Variants in ANKMY1 observed in about 807,000 individuals in gnomAD.
ANKMY1 encodes the protein ankyrin repeat and MYND domain containing 1.
Under a neutral mutation model 102.0 loss-of-function variants are expected in ANKMY1, and 98 were observed. The ratio of observed to expected loss-of-function variants is 0.96; its 90% CI spans 0.82 to 1.14. The LOEUF is 1.14. Among genes scored for constraint, ANKMY1 ranks in the 50% most tolerant of loss-of-function variants. The pLI, the probability that ANKMY1 is intolerant of heterozygous loss-of-function variation, is 0.00. For synonymous variants in ANKMY1, 582 were observed against 559.9 expected, an observed-to-expected ratio of 1.04 and a Z score of -0.56; for missense variants, 1,330 against 1,347.6, an observed-to-expected ratio of 0.99 and a Z score of 0.20.
intron 15 of ANKMY1, among the ~76,000 whole-genome samples, chr2:240,490,596 T>C (rs1316686337): frequency 6.6e-6 from 1 of 152,232 alleles, no homozygotes; most frequent in Non-Finnish European, 1.5e-5. Context: ...ATTTGTATAG[T>C]ATACATATTT....
At chr2:240,485,610 G>C (rs1244868375) in intron 15 of ANKMY1, among the ~76,000 whole-genome samples, 1 of 149,148 alleles carries the variant, frequency 6.7e-6, no homozygotes. Flanking sequence ...TTCTTTTTGA[G>C]ACAGGTTCTC....
intron 5 of ANKMY1, among the ~76,000 whole-genome samples, chr2:240,528,685 C>T (rs2084479315): frequency 6.7e-6 from 1 of 150,340 alleles, no homozygotes; most frequent in Non-Finnish European, 1.5e-5. Context: ...TTCTCCCCAG[C>T]CACATCCCCC....
chr2:240,523,973 G>A lies in ANKMY1; in HGVS notation c.1744C>T (p.His582Tyr). Residue 582 changes from histidine to tyrosine, a missense_variant, in exon 8 of 18, where the codon CAC becomes TAC. His to Tyr is a moderately conservative substitution (Grantham distance 83). Transcript: ENST00000401804. Reference protein sequence around the residue: ...QAMLERSAQSHSLLKMASPSP... With the variant: ...QAMLERSAQSYSLLKMASPSP... ...GGCGAGGCCATCTTCAGCAAGCTGTGGGACTGGGCGCTTCTCTCCAGCATG... is the reference window on the plus strand; with the variant it reads ...GGCGAGGCCATCTTCAGCAAGCTGTAGGACTGGGCGCTTCTCTCCAGCATG... 1 of 1,613,876 alleles carries A rather than the reference G, an allele frequency of 6.2e-7. No individual in the cohort carries two copies. Among genetic ancestry groups the A allele is most frequent in the Non-Finnish European group, 8.5e-7 (1 of 1,180,044 alleles).
At position 240,511,919 on chromosome 2, in the gene ANKMY1, G is replaced by A. The variant is rs759583163; in HGVS notation, c.2228C>T (p.Pro743Leu). The change falls in exon 11 of 18, where the codon CCG becomes CTG. Residue 743 changes from proline to leucine, a missense_variant. Physicochemically the swap from Pro to Leu is moderately conservative, Grantham distance 98. Coordinates refer to ENST00000401804, the MANE Select transcript of ANKMY1 (RefSeq NM_001282771.3). ...QAYYSTDTAL[P>L]EEGGRTALHM... Reference sequence around the variant, plus strand: ...CAGAGCCGTCCTGCCCCCCTCCTCCGGGAGGGCTGTGTCCGTGCTGTAGTA... The same window carrying A: ...CAGAGCCGTCCTGCCCCCCTCCTCCAGGAGGGCTGTGTCCGTGCTGTAGTA... The A allele has an allele frequency of 8.2e-5, 130 of 1,580,320 alleles. No homozygotes were observed. The highest frequency in any genetic ancestry group is 2.4e-4 in the Admixed American group (13 of 54,694).
At chr2:240,483,717 G>A (rs1477490345) in intron 15 of ANKMY1, among the ~76,000 whole-genome samples, 1 of 152,016 alleles carries the variant, frequency 6.6e-6, no homozygotes, top group Non-Finnish European at 1.5e-5. Context: ...TCAAGTTCTG[G>A]GGTACATTTG....
chr2:240,482,786 T>G (rs922996813), intron 15 of ANKMY1, among the ~76,000 whole-genome samples: 3 of 152,172 alleles, frequency 2.0e-5, no homozygotes, highest in African/African-American at 7.2e-5. Context: ...TTGGGTAGAG[T>G]GTTCTAGAGA....
chr2:240,469,901 C>G, the ANKMY1 span, among the ~76,000 whole-genome samples: 1 of 152,168 alleles, frequency 6.6e-6, no homozygotes, highest in Non-Finnish European at 1.5e-5. Flanking sequence ...CACACACATC[C>G]TCCTGCACAT....
chr2:240,508,917 G>T (rs2079580286), intron 12 of ANKMY1, among the ~76,000 whole-genome samples: 1 of 151,332 alleles, frequency 6.6e-6, no homozygotes, highest in African/African-American at 2.4e-5. Context: ...TGAATGAATG[G>T]ATGGGTGAAC....
intron 4 of ANKMY1, 33 bp downstream of exon 4, chr2:240,552,881 C>G (rs767639681): frequency 6.2e-7 from 1 of 1,612,860 alleles, no homozygotes. Flanking sequence ...ACAGCCACTT[C>G]GACCCCAGCT....
At chr2:240,476,136 C>T (rs1190521473), downstream of ANKMY1, among the ~76,000 whole-genome samples, 1 of 152,236 alleles carries the variant, frequency 6.6e-6, no homozygotes. Flanking sequence ...CAATATGATA[C>T]AGTCATAAAA....
At chr2:240,560,804 G>A (rs756447114), upstream of ANKMY1, 48 of 1,443,002 alleles carry the variant, frequency 3.3e-5, no homozygotes, top group Admixed American at 5.7e-5. Context: ...AGGAGCAGCT[G>A]GCGCGCGCGG....
At chr2:240,497,760 G>A (rs1344549551) in intron 15 of ANKMY1, among the ~76,000 whole-genome samples, 1 of 152,214 alleles carries the variant, frequency 6.6e-6, no homozygotes, top group Non-Finnish European at 1.5e-5. Flanking sequence ...TCTTTGTGAT[G>A]AGGTGTGAAG....
At chr2:240,532,377 A>T (rs751961620) in intron 4 of ANKMY1, among the ~76,000 whole-genome samples, 5 of 152,218 alleles carry the variant, frequency 3.3e-5, no homozygotes, top group Non-Finnish European at 7.3e-5. Flanking sequence ...AAACTGACAG[A>T]ATACCATCTT....
chr2:240,509,289 TG>T, intron 12 of ANKMY1, 58 bp downstream of exon 12: 1 of 1,360,388 alleles, frequency 7.4e-7, no homozygotes, highest in Non-Finnish European at 1.0e-6. Flanking sequence ...ACTGGTGGGG[TG>T]GGCACTGGAG....
chr2:240,498,043 G>T (rs1372787498), intron 15 of ANKMY1, among the ~76,000 whole-genome samples: 1 of 151,296 alleles, frequency 6.6e-6, no homozygotes, highest in African/African-American at 2.4e-5. Flanking sequence ...CCCCAAGTGG[G>T]GCTCTACACA....
intron 13 of ANKMY1, among the ~76,000 whole-genome samples, chr2:240,505,359 G>A (rs896786909): frequency 8.6e-5 from 13 of 151,978 alleles, no homozygotes; most frequent in Admixed American, 6.6e-4. Context: ...CTACTCGGGA[G>A]GGTGAGGCAG....
chr2:240,526,296 A>G lies in ANKMY1; in HGVS notation c.1103T>C (p.Leu368Pro), dbSNP rs2083384358. 1.2e-6 allele frequency: 2 copies of G among 1,614,092 alleles called. No homozygotes were observed. The highest frequency in any genetic ancestry group is 1.7e-6 in the Non-Finnish European group (2 of 1,180,034). The change falls in exon 6 of 18, where the codon CTG becomes CCG. Residue 368 changes from leucine to proline, a missense_variant. Leu to Pro is a moderately conservative substitution (Grantham distance 98). Coordinates refer to ENST00000401804, the MANE Select transcript of ANKMY1 (RefSeq NM_001282771.3). Reference sequence around the variant, plus strand: ...GTCAGCACTAGCAAAGTTGTCCTTCAGGATCCTACAAATCCATTCGTGGTT... The same window carrying G: ...GTCAGCACTAGCAAAGTTGTCCTTCGGGATCCTACAAATCCATTCGTGGTT... ...EGNHEWICRI[L>P]KDNFASADVA... is the part of the protein sequence containing the mutation.
At chr2:240,555,253 A>G in intron 2 of ANKMY1, 198 bp from the exon 3 acceptor site, 1 of 612,588 alleles carries the variant, frequency 1.6e-6, no homozygotes, top group Admixed American at 2.9e-5. Context: ...CCACACAGGA[A>G]GTGGAATGCA....
At chr2:240,503,313 C>T (rs1218769691) in intron 13 of ANKMY1, among the ~76,000 whole-genome samples, 1 of 152,186 alleles carries the variant, frequency 6.6e-6, no homozygotes, top group Non-Finnish European at 1.5e-5. Flanking sequence ...TAGAAATGTT[C>T]GTGAGAAGAG....
Sources: gnomAD v4.1 joint callset for allele counts (sites outside exome capture counted in the v4.1 genomes callset) on GRCh38, gnomAD v4.1.1 for gene constraint, MANE v1.5 for transcripts, NCBI Gene and HGNC (gene_info 2026-07-23, HGNC 2026-07-21) for gene names.